WDFY2: variants seen among roughly 807,000 people sequenced by gnomAD.
The protein encoded by WDFY2 is WD repeat and FYVE domain-containing protein 2.
In WDFY2, 36 loss-of-function variants were observed where a neutral mutation model predicts 56.4. The observed-to-expected ratio is 0.64, with a 90% confidence interval of 0.49 to 0.84. The LOEUF (loss-of-function observed/expected upper bound fraction) is 0.84. WDFY2 is among the 40% of genes least tolerant of loss of function. WDFY2 has a pLI of 0.00. For synonymous variants in WDFY2, 176 were observed against 183.7 expected, an observed-to-expected ratio of 0.96 and a Z score of 0.34; for missense variants, 444 against 512.2, an observed-to-expected ratio of 0.87 and a Z score of 1.29.
intron 7 of WDFY2, among the ~76,000 whole-genome samples, chr13:51,747,225 T>C (rs1192599178): frequency 1.3e-5 from 2 of 152,270 alleles, no homozygotes; most frequent in African/African-American, 4.8e-5. Flanking sequence ...AATTTGTAAT[T>C]GTGACCAATG....
At chr13:51,696,457 A>G (rs1951878426) in intron 3 of WDFY2, among the ~76,000 whole-genome samples, 1 of 152,224 alleles carries the variant, frequency 6.6e-6, no homozygotes, top group African/African-American at 2.4e-5. Context: ...TATAAGTTGT[A>G]TCTACTATAA....
At chr13:51,668,241 T>G (rs992760196) in intron 2 of WDFY2, among the ~76,000 whole-genome samples, 1 of 152,116 alleles carries the variant, frequency 6.6e-6, no homozygotes, top group African/African-American at 2.4e-5. Context: ...ATGCTAGAAA[T>G]CATTTAATCT....
At chr13:51,652,994 C>G (rs184859769) in intron 1 of WDFY2, among the ~76,000 whole-genome samples, 2,590 of 152,226 alleles carry the variant, frequency 0.017, 67 homozygotes, top group African/African-American at 0.052. Context: ...ATATCCTGCA[C>G]AGTGTTTTCC....
chr13:51,698,810 GT>G (rs908760934), intron 3 of WDFY2, among the ~76,000 whole-genome samples: 5 of 151,916 alleles, frequency 3.3e-5, no homozygotes, highest in African/African-American at 1.2e-4. Context: ...TGTTTGTTAA[GT>G]AAAAAAAATA....
At chr13:51,593,413 C>A (rs1476622784) in intron 1 of WDFY2, among the ~76,000 whole-genome samples, 1 of 152,050 alleles carries the variant, frequency 6.6e-6, no homozygotes, top group African/African-American at 2.4e-5. Context: ...CTTCTATCCC[C>A]CACCCTGAGT....
At chr13:51,684,900 C>T (rs17597763) in intron 3 of WDFY2, among the ~76,000 whole-genome samples, 1 of 152,056 alleles carries the variant, frequency 6.6e-6, no homozygotes, top group South Asian at 2.1e-4. Flanking sequence ...GCTGCTCCGC[C>T]GTCAGATATC....
chr13:51,713,240 T>TA (rs1343924485), intron 4 of WDFY2, among the ~76,000 whole-genome samples: 2 of 152,230 alleles, frequency 1.3e-5, no homozygotes, highest in Non-Finnish European at 2.9e-5. Flanking sequence ...TTTCAGTGGA[T>TA]AAAATCCAGC....
intron 5 of WDFY2, among the ~76,000 whole-genome samples, chr13:51,723,407 T>G (rs556473204): frequency 1.3e-5 from 2 of 152,294 alleles, no homozygotes; most frequent in South Asian, 4.1e-4. Flanking sequence ...GATCCACACA[T>G]TGCATGTGGT....
intron 1 of WDFY2, among the ~76,000 whole-genome samples, chr13:51,641,544 G>A (rs892542389): frequency 2.0e-5 from 3 of 148,754 alleles, no homozygotes; most frequent in African/African-American, 7.4e-5. Context: ...ATATTTTGTC[G>A]GGCCGGGCGC....
At chr13:51,652,404 G>A (rs373056420) in intron 1 of WDFY2, among the ~76,000 whole-genome samples, 7 of 151,336 alleles carry the variant, frequency 4.6e-5, no homozygotes, top group Admixed American at 1.3e-4. Context: ...GCCCATTTAC[G>A]TTTAAGGTTA....
chr13:51,612,611 A>G (rs1232126275), intron 1 of WDFY2, among the ~76,000 whole-genome samples: 1 of 152,252 alleles, frequency 6.6e-6, no homozygotes, highest in East Asian at 1.9e-4. Flanking sequence ...GTCCATTTGT[A>G]AAAGGAAGTA....
At chr13:51,750,654 T>G (rs957215195) in intron 7 of WDFY2, among the ~76,000 whole-genome samples, 3 of 152,154 alleles carry the variant, frequency 2.0e-5, no homozygotes, top group Non-Finnish European at 4.4e-5. Context: ...TCTCCATCAT[T>G]TTTGCCGCCA....
chr13:51,669,625 C>CA (rs1204377004), intron 2 of WDFY2, among the ~76,000 whole-genome samples: 3 of 151,894 alleles, frequency 2.0e-5, no homozygotes, highest in Non-Finnish European at 4.4e-5. Flanking sequence ...TACTATTTAC[C>CA]AAAAAACTGT....
intron 1 of WDFY2, among the ~76,000 whole-genome samples, chr13:51,608,804 A>C (rs1203057068): frequency 6.6e-6 from 1 of 152,130 alleles, no homozygotes; most frequent in Admixed American, 6.5e-5. Context: ...TTTTGAACAT[A>C]TTTTCAATCA....
At chr13:51,619,664 A>G (rs901535646) in intron 1 of WDFY2, among the ~76,000 whole-genome samples, 1 of 152,214 alleles carries the variant, frequency 6.6e-6, no homozygotes, top group Non-Finnish European at 1.5e-5. Flanking sequence ...ACTTTAGACA[A>G]ATTAAACAGA....
chr13:51,639,340 A>T (rs1040995535), intron 1 of WDFY2, among the ~76,000 whole-genome samples: 1 of 152,186 alleles, frequency 6.6e-6, no homozygotes, highest in Non-Finnish European at 1.5e-5. Flanking sequence ...CACAGGAAGA[A>T]AGGTTGATTA....
At chr13:51,692,880 T>C (rs1344339852) in intron 3 of WDFY2, among the ~76,000 whole-genome samples, 1 of 152,196 alleles carries the variant, frequency 6.6e-6, no homozygotes. Flanking sequence ...GAGCCTGTTA[T>C]TGGTCTATTC....
intron 2 of WDFY2, among the ~76,000 whole-genome samples, chr13:51,662,053 C>T (rs920250807): frequency 1.3e-5 from 2 of 152,102 alleles, no homozygotes; most frequent in Non-Finnish European, 2.9e-5. Context: ...TCACTGCAAC[C>T]TCCACCTCCC....
chr13:51,614,552 C>T lies in WDFY2; in HGVS notation c.137+29728C>T, dbSNP rs544980849. ...GTGATCTTGTCCCTTTGAAGCCTCA[C>T]GATGGCTGCTCTCCAGTCAGCATTG... On this transcript the variant is annotated intron_variant, in intron 1 of 11. Coordinates refer to ENST00000298125, the MANE Select transcript of WDFY2 (RefSeq NM_052950.4). Among the ~76,000 whole-genome samples the T allele has an allele frequency of 1.6e-4, 25 of 152,302 alleles. No individual in the cohort carries two copies. The East Asian group carries it at 4.1e-3, about 25-fold the overall frequency.
Sources: gnomAD v4.1 joint callset for allele counts (sites outside exome capture counted in the v4.1 genomes callset) on GRCh38, gnomAD v4.1.1 for gene constraint, MANE v1.5 for transcripts, NCBI Gene and HGNC (gene_info 2026-07-23, HGNC 2026-07-21) for gene names.